Variants in MACROD2 observed in about 807,000 individuals in gnomAD.
The protein encoded by MACROD2 is mono-ADP ribosylhydrolase 2.
MACROD2 carries 36 observed loss-of-function variants against 70.4 expected under a neutral mutation model. The ratio of observed to expected loss-of-function variants is 0.51; its 90% CI spans 0.39 to 0.68. The LOEUF (loss-of-function observed/expected upper bound fraction) is 0.68. Ranked by LOEUF, MACROD2 falls within the 30% of genes least tolerant of loss-of-function variation. The probability of loss-of-function intolerance (pLI) is 0.00; values close to 1 mark genes in which losing one functional copy is unlikely to be tolerated. For synonymous variants in MACROD2, 172 were observed against 178.8 expected, an observed-to-expected ratio of 0.96 and a Z score of 0.30; for missense variants, 496 against 538.4, an observed-to-expected ratio of 0.92 and a Z score of 0.78.
At chr20:15,677,950 A>G (rs1347336722) in intron 8 of MACROD2, among the ~76,000 whole-genome samples, 6 of 152,088 alleles carry the variant, frequency 3.9e-5, no homozygotes, top group Admixed American at 1.3e-4. Flanking sequence ...CTGTAATCCC[A>G]GCTACTCGGG....
chr20:14,991,929 C>CTCCATCCA (rs892688308), intron 5 of MACROD2, among the ~76,000 whole-genome samples: 1 of 152,012 alleles, frequency 6.6e-6, no homozygotes, highest in East Asian at 1.9e-4. Context: ...CCATCCAACT[C>CTCCATCCA]TCCATCCATC....
chr20:14,737,285 A>T (rs552257276), intron 5 of MACROD2, among the ~76,000 whole-genome samples: 1 of 152,058 alleles, frequency 6.6e-6, no homozygotes, highest in South Asian at 2.1e-4. Flanking sequence ...ACGTGAACTC[A>T]TCCTTTTTTG....
intron 9 of MACROD2, among the ~76,000 whole-genome samples, chr20:15,881,443 T>A (rs12626063): frequency 0.015 from 2,265 of 152,196 alleles, 40 homozygotes; most frequent in African/African-American, 0.038. Context: ...AGTCAGCCTC[T>A]GGATACGGGC....
chr20:15,979,103 T>TA (rs1384384592), intron 13 of MACROD2, among the ~76,000 whole-genome samples: 4 of 152,274 alleles, frequency 2.6e-5, no homozygotes, highest in African/African-American at 9.6e-5. Context: ...ATGGGCAGTT[T>TA]AAAAATAATT....
intron 10 of MACROD2, among the ~76,000 whole-genome samples, chr20:15,919,178 G>A (rs540887814): frequency 5.8e-4 from 88 of 152,256 alleles, no homozygotes; most frequent in Non-Finnish European, 1.0e-3. Flanking sequence ...CAAATTGACC[G>A]ATTTGGCAGA....
chr20:15,226,801 G>A (rs1438217168), intron 5 of MACROD2, among the ~76,000 whole-genome samples: 2 of 151,936 alleles, frequency 1.3e-5, no homozygotes, highest in Non-Finnish European at 2.9e-5. Flanking sequence ...GATAATCTAA[G>A]CAGGAGATTT....
intron 6 of MACROD2, among the ~76,000 whole-genome samples, chr20:15,239,467 C>G (rs530032582): frequency 6.6e-6 from 1 of 151,864 alleles, no homozygotes; most frequent in Non-Finnish European, 1.5e-5. Context: ...AAACACATAC[C>G]CTTCAAAACT....
chr20:15,603,592 A>G (rs1281085504), intron 8 of MACROD2, among the ~76,000 whole-genome samples: 1 of 151,900 alleles, frequency 6.6e-6, no homozygotes, highest in Admixed American at 6.6e-5. Flanking sequence ...AGAGGAGGGA[A>G]TGAAACTTAC....
chr20:14,416,730 A>G (rs149482329), intron 3 of MACROD2, among the ~76,000 whole-genome samples: 1 of 152,280 alleles, frequency 6.6e-6, no homozygotes, highest in Admixed American at 6.5e-5. Context: ...TAAAGTACAC[A>G]CTCAGTTTGG....
chr20:14,047,551 A>AT (rs923618781), intron 2 of MACROD2, among the ~76,000 whole-genome samples: 13 of 151,540 alleles, frequency 8.6e-5, no homozygotes, highest in African/African-American at 2.2e-4. Context: ...TATCCAGATA[A>AT]TTTTTTTTTC....
rs1324902723 is a variant in MACROD2 at position 14,509,273 on chromosome 20, C to A, written c.301+15765C>A. Among the ~76,000 whole-genome samples, 6 of 151,948 alleles carry A rather than the reference C, an allele frequency of 3.9e-5. No homozygotes were observed. In the East Asian group the frequency reaches 1.2e-3, roughly 29 times the overall value. On this transcript the variant is annotated intron_variant, in intron 4 of 17. Coordinates refer to ENST00000684519, the MANE Select transcript of MACROD2 (RefSeq NM_001351661.2). ...ATTATTTATTCCATACATACATTTA[C>A]AATTTTTTAATTGGGACAGTAAAAT...
chr20:15,402,229 A>G (rs1276094550), intron 6 of MACROD2, among the ~76,000 whole-genome samples: 1 of 152,164 alleles, frequency 6.6e-6, no homozygotes, highest in Non-Finnish European at 1.5e-5. Context: ...ACACGGCATT[A>G]TAGATACTCA....
chr20:15,214,976 A>G (rs2076796554), intron 5 of MACROD2, among the ~76,000 whole-genome samples: 1 of 152,188 alleles, frequency 6.6e-6, no homozygotes, highest in Non-Finnish European at 1.5e-5. Flanking sequence ...GGGTAAAAAT[A>G]AATATCCCTT....
At chr20:14,064,096 C>T (rs1373688037) in intron 2 of MACROD2, among the ~76,000 whole-genome samples, 4 of 152,186 alleles carry the variant, frequency 2.6e-5, no homozygotes, top group East Asian at 1.9e-4. Context: ...TTCAGTGCTT[C>T]TGTTGTTTCA....
At chr20:16,005,894 A>T (rs1419606032) in intron 15 of MACROD2, among the ~76,000 whole-genome samples, 1 of 152,184 alleles carries the variant, frequency 6.6e-6, no homozygotes, top group Non-Finnish European at 1.5e-5. Flanking sequence ...TTGTTCTCTC[A>T]GTAACACCAC....
At position 15,848,643 on chromosome 20, in the gene MACROD2, G is replaced by T. The variant is rs111271366; in HGVS notation, c.646-14102G>T. On this transcript the variant is annotated intron_variant, in intron 8 of 17. Transcript: ENST00000684519. ...GTTGTGAGTTCAATTTTCAAAATAT[G>T]AAGCAGACAATGTTGTGGAGGATGG... Among the ~76,000 whole-genome samples, 1,299 of 152,280 alleles carry T rather than the reference G, an allele frequency of 8.5e-3. 11 individuals are homozygous for T. Among genetic ancestry groups the T allele is most frequent in the Non-Finnish European group, 0.014 (977 of 68,018 alleles).
chr20:14,003,633 C>T, intron 2 of MACROD2: 1 of 455,576 alleles, frequency 2.2e-6, no homozygotes. Flanking sequence ...TGCCCACCAC[C>T]CCGTCTCAGA....
At chr20:14,903,245 T>G (rs747156443) in intron 5 of MACROD2, among the ~76,000 whole-genome samples, 181 of 152,158 alleles carry the variant, frequency 1.2e-3, no homozygotes, top group Non-Finnish European at 2.4e-3. Context: ...TTCACCATAT[T>G]GGCCAAGCTG....
At chr20:15,391,765 A>G (rs912325981) in intron 6 of MACROD2, among the ~76,000 whole-genome samples, 4 of 152,238 alleles carry the variant, frequency 2.6e-5, no homozygotes, top group African/African-American at 9.6e-5. Context: ...TTAAAAGTGA[A>G]AAGGCCTTCA....
Sources: gnomAD v4.1 joint callset for allele counts (sites outside exome capture counted in the v4.1 genomes callset) on GRCh38, gnomAD v4.1.1 for gene constraint, MANE v1.5 for transcripts, NCBI Gene and HGNC (gene_info 2026-07-23, HGNC 2026-07-21) for gene names.